The following KDM7A variants were observed in gnomAD, a reference collection of about 807,000 sequenced individuals.
The protein encoded by KDM7A is lysine demethylase 7A, also known as lysine-specific demethylase 7A.
Under a neutral mutation model 114.8 loss-of-function variants are expected in KDM7A, and 28 were observed. The ratio of observed to expected loss-of-function variants is 0.24; its 90% confidence interval spans 0.18 to 0.33. The LOEUF is 0.33. Among genes scored for constraint, KDM7A ranks in the 10% least tolerant of loss-of-function variants. KDM7A has a pLI of 1.00. For missense variants in KDM7A, 942 were observed against 1,142.5 expected (o/e 0.82, Z 2.53); for synonymous variants, 423 against 397.8 (o/e 1.06, Z -0.75).
In KDM7A at chr7:140,087,519, G is replaced by A. The variant is rs1285294969; in HGVS notation, c.*3575C>T. ...GTTTTCATTTAAAAATATATATAAA[G>A]GTGCATTAATTGCCAGTTTTAACTT... On this transcript the variant is annotated 3_prime_UTR_variant, in exon 20 of 20. Transcript: ENST00000397560. The A allele has an allele frequency of 6.6e-6, 1 of 152,046 alleles. No individual in the cohort carries two copies. Among genetic ancestry groups the A allele is most frequent in the Admixed American group, 6.6e-5 (1 of 15,262 alleles). The allele number at this position is 152,046 out of a possible 1,614,324, so 9.4% of individuals were successfully genotyped here. A position where few individuals can be genotyped will look rare whatever the true frequency, so the allele number is the denominator to read the frequency against.
At chr7:140,114,697 G>A (rs113324807) in intron 9 of KDM7A, among the ~76,000 whole-genome samples, 51,870 of 150,168 alleles carry the variant, frequency 0.35, 9,085 homozygotes, top group Middle Eastern at 0.42. Flanking sequence ...GCCTCTTCCC[G>A]GCTGCCATCC....
chr7:140,139,261 T>C lies in KDM7A; in HGVS notation c.195-71A>G, dbSNP rs1207201769. 4 of 1,015,546 alleles carry C rather than the reference T, an allele frequency of 3.9e-6. No individual in the cohort carries two copies. In the East Asian group the frequency reaches 9.6e-5, roughly 24 times the overall value. 62.9% of individuals were successfully genotyped at this position (1,015,546 alleles called of 1,614,324 possible). ...CTTCGCTTAACTATAATACAGTGGT[T>C]GGAATTTAGCTGAGAAATGTACAAC... is the stretch of plus-strand genomic sequence containing the variant. On this transcript the variant is annotated intron_variant, in intron 1 of 19. Transcript: ENST00000397560.
intron 1 of KDM7A, among the ~76,000 whole-genome samples, chr7:140,151,739 G>C (rs1388300390): frequency 1.3e-5 from 2 of 151,958 alleles, no homozygotes; most frequent in African/African-American, 4.8e-5. Context: ...TCTGACATTT[G>C]GAATGTCAGT....
rs570783415 is a variant in KDM7A, at chr7:140,176,483, C to T, written c.194+261G>A. Among the ~76,000 whole-genome samples the T allele has an allele frequency of 6.8e-6, 1 of 146,692 alleles. No homozygotes were observed. The highest frequency in any genetic ancestry group is 2.1e-4 in the South Asian group (1 of 4,820). ...CCCAGGCTCCCCCTGCCAACTTATC[C>T]GCCGGCCCTCTTTGTTCGTGTTTGT... is the stretch of plus-strand genomic sequence containing the variant. On this transcript the variant is annotated intron_variant, in intron 1 of 19. Coordinates refer to ENST00000397560, the MANE Select transcript of KDM7A (RefSeq NM_030647.2). This position sits in a 1 kb window ranked among gnomAD's most constrained non-coding sequence, Gnocchi z 4.4.
In KDM7A at chr7:140,092,072, T is replaced by C; in HGVS notation, c.2463A>G (p.Leu821=). 4 of 1,614,072 alleles carry C rather than the reference T, an allele frequency of 2.5e-6. No homozygotes were observed. Among genetic ancestry groups the C allele is most frequent in the Non-Finnish European group, 3.4e-6 (4 of 1,179,946 alleles). The part of the protein sequence containing the change: ...FDTSRFHPQD[L]SRSQKCIRKE... ...TTCTGATGCATTTCTGGCTTCTACT[T>C]AGATCCTGAAGGAGGAGGAAGGACA... Residue 821 remains leucine, a synonymous_variant, in exon 19 of 20, where the codon CTA becomes CTG. Coordinates refer to ENST00000397560, the MANE Select transcript of KDM7A (RefSeq NM_030647.2).
chr7:140,159,917 T>C (rs982517825), intron 1 of KDM7A, among the ~76,000 whole-genome samples: 2 of 151,122 alleles, frequency 1.3e-5, no homozygotes, highest in African/African-American at 4.9e-5. Context: ...CATTTGCTTA[T>C]TTAAGTTCTT....
chr7:140,120,564 T>C (rs1211086968), intron 7 of KDM7A, 35 bp from the exon 8 acceptor site: 4 of 1,261,806 alleles, frequency 3.2e-6, no homozygotes, highest in Non-Finnish European at 3.5e-6. Context: ...CCAGTCATTT[T>C]TCAATATGTA....
At chr7:140,093,889 G>A (rs562991155) in intron 18 of KDM7A, among the ~76,000 whole-genome samples, 167 bp downstream of exon 18, 2 of 151,958 alleles carry the variant, frequency 1.3e-5, no homozygotes, top group South Asian at 2.1e-4. Flanking sequence ...TTATCATTTC[G>A]GCATCTCTCA....
intron 1 of KDM7A, among the ~76,000 whole-genome samples, chr7:140,151,111 G>A (rs1048933413): frequency 6.6e-6 from 1 of 152,150 alleles, no homozygotes; most frequent in African/African-American, 2.4e-5. Flanking sequence ...GATTACAGGC[G>A]TGAGCCACCG....
chr7:140,130,421 G>C (rs1163117234), intron 3 of KDM7A, among the ~76,000 whole-genome samples: 1 of 152,070 alleles, frequency 6.6e-6, no homozygotes, highest in African/African-American at 2.4e-5. Context: ...AGGAGTTTGA[G>C]ACCAGCCTGA....
At chr7:140,101,309 T>C (rs1160694970) in intron 12 of KDM7A, among the ~76,000 whole-genome samples, 1 of 151,752 alleles carries the variant, frequency 6.6e-6, no homozygotes, top group African/African-American at 2.4e-5. Flanking sequence ...AGTTTAAGAG[T>C]TTCTTCTGAC....
rs749538996 is a variant in KDM7A, at chr7:140,111,124, C to G, written c.1399G>C (p.Glu467Gln). ...DNVRPGHLIK[E>Q]LSKVIRAIEE... ...ATTGCTCGAATTACTTTAGAAAGTTCTTTAATAAGGTGTCCAGGTCTAACA... is the reference window on the plus strand; with the variant it reads ...ATTGCTCGAATTACTTTAGAAAGTTGTTTAATAAGGTGTCCAGGTCTAACA... Residue 467 changes from glutamate (E) to glutamine (Q), a missense_variant, in exon 11 of 20, where the codon GAA becomes CAA. Coordinates refer to ENST00000397560, the MANE Select transcript of KDM7A (RefSeq NM_030647.2). The G allele has an allele frequency of 3.1e-6, 5 of 1,602,998 alleles. No homozygotes were observed. Among genetic ancestry groups the G allele is most frequent in the Non-Finnish European group, 4.3e-6 (5 of 1,171,396 alleles).
Position 140,119,220 on chromosome 7 carries a change from C to A in KDM7A, c.1140-1G>T. The A allele has an allele frequency of 6.6e-7, 1 of 1,517,968 alleles. No individual in the cohort carries two copies. The highest frequency in any genetic ancestry group is 9.0e-7 in the Non-Finnish European group (1 of 1,116,794). The allele number at this position is 1,517,968 out of a possible 1,614,324, so 94.0% of individuals were successfully genotyped here. Reference sequence around the variant, plus strand: ...TAGCCTTTTCTCCATCTCATAACACCTAAATGAGTTTGAAGAAATTTTTAA... The same window carrying A: ...TAGCCTTTTCTCCATCTCATAACACATAAATGAGTTTGAAGAAATTTTTAA... On this transcript the variant is annotated splice_acceptor_variant, in intron 8 of 19. Coordinates refer to ENST00000397560, the MANE Select transcript of KDM7A (RefSeq NM_030647.2). LOFTEE classifies it high-confidence loss of function.
chr7:140,142,978 G>C (rs994474005), intron 1 of KDM7A, among the ~76,000 whole-genome samples: 1 of 151,768 alleles, frequency 6.6e-6, no homozygotes, highest in Non-Finnish European at 1.5e-5. Context: ...TCAGGAGATC[G>C]AGACCACCCT....
intron 14 of KDM7A, among the ~76,000 whole-genome samples, chr7:140,098,290 TAGAA>T (rs1442306233): frequency 3.3e-5 from 5 of 152,270 alleles, no homozygotes; most frequent in East Asian, 1.9e-4. Context: ...CTTTTTAAAA[TAGAA>T]AGGAATACAG....
chr7:140,110,274 T>C (rs1057513647), intron 11 of KDM7A, among the ~76,000 whole-genome samples: 2 of 152,244 alleles, frequency 1.3e-5, no homozygotes, highest in Non-Finnish European at 2.9e-5. Flanking sequence ...AACTTACATA[T>C]ATATTTAAGA....
intron 1 of KDM7A, among the ~76,000 whole-genome samples, chr7:140,147,015 T>G (rs1422265213): frequency 6.6e-6 from 1 of 152,126 alleles, no homozygotes; most frequent in African/African-American, 2.4e-5. Flanking sequence ...CTCTCCCCAT[T>G]CTTCACTGAA....
Position 140,127,555 on chromosome 7 carries a change from A to C in KDM7A, c.588T>G (p.Asp196Glu). 6.2e-7 allele frequency: 1 copy of C among 1,614,006 alleles called. No homozygotes were observed. Among genetic ancestry groups the C allele is most frequent in the South Asian group, 1.1e-5 (1 of 91,066 alleles). Residue 196 changes from aspartate to glutamate, a missense_variant, in exon 5 of 20, where the codon GAT becomes GAG. Physicochemically the swap from Asp to Glu is conservative, Grantham distance 45 (BLOSUM62 2). Around this residue, in one of 4 missense-constraint regions of KDM7A, gnomAD observed 318 missense variants for 453.1 expected, o/e 0.70. Transcript: ENST00000397560. ...TTTTGCTGTCTGCCTGCCTCGCCAC[A>C]TCAATGACATCTATCACTTTGTCAC... ...VGGDKVIDVI[D>E]VARQADSKMT...
At chr7:140,169,684 C>G (rs954937570) in intron 1 of KDM7A, among the ~76,000 whole-genome samples, 18 of 152,018 alleles carry the variant, frequency 1.2e-4, no homozygotes, top group African/African-American at 4.3e-4. Flanking sequence ...CACCACTATG[C>G]CCAGCTAATT....
Sources: allele counts gnomAD v4.1 joint callset (sites outside exome capture counted in the v4.1 genomes callset), GRCh38; gene constraint gnomAD v4.1.1; regional missense constraint gnomAD v4.1.1; non-coding constraint Gnocchi (gnomAD v3.1); transcripts MANE v1.5; gene names NCBI Gene and HGNC (gene_info 2026-07-23, HGNC 2026-07-21).